Variants in RAPGEF3 observed in about 807,000 individuals in gnomAD.
RAPGEF3 encodes 9330170P05Rik.
Under a neutral mutation model 129.8 loss-of-function variants are expected in RAPGEF3, and 103 were observed. That is an observed-to-expected ratio of 0.79 (90% CI 0.68 to 0.93). The LOEUF is 0.93. Among genes scored for constraint, RAPGEF3 ranks in the 40% least tolerant of loss-of-function variants. The pLI, the probability that RAPGEF3 is intolerant of heterozygous loss-of-function variation, is 0.00. For synonymous variants in RAPGEF3, 436 were observed against 482.6 expected, an observed-to-expected ratio of 0.90 and a Z score of 1.26; for missense variants, 1,117 against 1,207.4, an observed-to-expected ratio of 0.93 and a Z score of 1.11.
chr12:47,740,981 C>T lies in RAPGEF3; in HGVS notation c.1983G>A (p.Val661=). The T allele has an allele frequency of 1.9e-6, 3 of 1,613,566 alleles. No homozygotes were observed. The highest frequency in any genetic ancestry group is 3.3e-5 in the Admixed American group (2 of 59,968). ...GCTGGCCTGCCAGGTCCTTGGCACT[C>T]ACCAGGTCCAGCCCCTCAGCAGAGC... ...TVGSAEGLDL[V]SAKDLAGQLT... The change falls in exon 20 of 28, where the codon GTG becomes GTA. Residue 661 remains valine, a synonymous_variant. Transcript: ENST00000449771.
intron 23 of RAPGEF3, 25 bp downstream of exon 23, chr12:47,740,116 A>C (rs777361020): frequency 6.2e-7 from 1 of 1,608,900 alleles, no homozygotes; most frequent in Admixed American, 1.7e-5. Flanking sequence ...TAGCAGAGCC[A>C]GGCCGGGCAG....
chr12:47,740,534 G>A (rs1409452898), intron 21 of RAPGEF3, 108 bp downstream of exon 21: 1 of 1,495,350 alleles, frequency 6.7e-7, no homozygotes, highest in African/African-American at 1.4e-5. Flanking sequence ...GGGACCCAGG[G>A]AACAAATAGG....
At chr12:47,743,820 G>A in intron 17 of RAPGEF3, 144 bp from the exon 18 acceptor site, 1 of 1,373,186 alleles carries the variant, frequency 7.3e-7, no homozygotes, top group Non-Finnish European at 1.0e-6. Context: ...AAAAGAGGCA[G>A]GTAGGAGGCA....
At chr12:47,748,762 A>G in intron 11 of RAPGEF3, 57 bp downstream of exon 11, 3 of 1,341,062 alleles carry the variant, frequency 2.2e-6, no homozygotes, top group Non-Finnish European at 3.2e-6. Context: ...GAAGGGAGCA[A>G]AGATTGGGAA....
intron 18 of RAPGEF3, among the ~76,000 whole-genome samples, chr12:47,742,802 TAAGA>T (rs1941234134): frequency 1.3e-5 from 2 of 152,336 alleles, no homozygotes; most frequent in African/African-American, 4.8e-5. Context: ...ATGGTGAGCC[TAAGA>T]TGCCTTCACG....
At position 47,741,525 on chromosome 12, in the gene RAPGEF3, G is replaced by T; in HGVS notation, c.1903C>A (p.Pro635Thr). ...CCTACCAGCTCATGCACTTCCTGTG[G>T]GTTGACAACAAAGAGACGCTCATTG... ...GLNERLFVVN[P>T]QEVHELIPHP... is the part of the protein sequence containing the mutation. The change falls in exon 19 of 28, where the codon CCA becomes ACA. Residue 635 changes from proline (P) to threonine (T), a missense_variant. Transcript: ENST00000449771. 6.2e-7 allele frequency: 1 copy of T among 1,614,100 alleles called. No homozygotes were observed. The highest frequency in any genetic ancestry group is 8.5e-7 in the Non-Finnish European group (1 of 1,180,000).
At chr12:47,748,200 T>G in intron 12 of RAPGEF3, 48 bp from the exon 13 acceptor site, 1 of 1,425,610 alleles carries the variant, frequency 7.0e-7, no homozygotes, top group South Asian at 1.2e-5. Flanking sequence ...AGGCCAAGTC[T>G]GCTGAGCACA....
chr12:47,744,126 G>T, intron 16 of RAPGEF3, 58 bp from the exon 17 acceptor site: 2 of 1,423,756 alleles, frequency 1.4e-6, no homozygotes, highest in Non-Finnish European at 1.9e-6. Context: ...AGACCGTGGA[G>T]GGAGGGATTG....
At chr12:47,755,369 G>A (rs989813650) in intron 2 of RAPGEF3, among the ~76,000 whole-genome samples, 25 of 152,174 alleles carry the variant, frequency 1.6e-4, no homozygotes, top group Non-Finnish European at 3.7e-4. Context: ...CATAAGTACT[G>A]TATAACTATT....
chr12:47,738,028 A>C lies in RAPGEF3; in HGVS notation c.2647T>G (p.Ser883Ala). The change falls in exon 27 of 28, where the codon TCC becomes GCC. Residue 883 changes from serine to alanine, a missense_variant. Ser to Ala is a moderately conservative substitution (Grantham distance 99). This residue lies in a region of RAPGEF3 where 643 missense variants were observed against 673.4 expected (regional missense o/e 0.95). Coordinates refer to ENST00000449771, the MANE Select transcript of RAPGEF3 (RefSeq NM_001098531.4). ...LHEDSQVARI[S>A]TCSEQSLSTR... ...ACCATCGCCCACCACTTACATGTGG[A>C]AATCCTCGCCACCTGGCTGTCCTCG... The C allele has an allele frequency of 7.8e-7, 1 of 1,284,060 alleles. No homozygotes were observed. The highest frequency in any genetic ancestry group is 1.2e-5 in the South Asian group (1 of 86,386). The allele number at this position is 1,284,060 out of a possible 1,614,324, so 79.5% of individuals were successfully genotyped here.
chr12:47,743,723 C>T lies in RAPGEF3; in HGVS notation c.1679-47G>A, dbSNP rs373540619. On this transcript the variant is annotated intron_variant, in intron 17 of 27. Transcript: ENST00000449771. ...GCTGTGGGAAGGGCTGCCTGATCTC[C>T]ACCCCAGGAGGGAGAGGGCGGCTAT... is the stretch of plus-strand genomic sequence containing the variant. The T allele has an allele frequency of 4.3e-5, 68 of 1,586,268 alleles. No individual in the cohort carries two copies. The African/African-American group carries it at 8.2e-4, about 19-fold the overall frequency.
chr12:47,740,599 G>C (rs752058691), intron 21 of RAPGEF3, 43 bp downstream of exon 21: 1 of 329,106 alleles, frequency 3.0e-6, no homozygotes, highest in Non-Finnish European at 4.4e-6. Context: ...AAAGGTAGCC[G>C]GGGGGACTCT....
rs951814336 is a variant in RAPGEF3 at position 47,758,758 on chromosome 12, T to C, written c.-202A>G. ...GGTGGAGAGGCTCCTCTTGGGTGAG[T>C]AGAGGGGTGGGGGCGTGGTGGGGGG... On this transcript the variant is annotated 5_prime_UTR_variant, in exon 1 of 28. Transcript: ENST00000449771. 2.5e-5 allele frequency: 31 copies of C among 1,243,250 alleles called. No homozygotes were observed. The African/African-American group carries it at 3.9e-4, about 16-fold the overall frequency. 77.0% of individuals were successfully genotyped at this position (1,243,250 alleles called of 1,614,324 possible).
chr12:47,740,806 A>C lies in RAPGEF3; in HGVS notation c.2067T>G (p.Tyr689Ter), dbSNP rs369711442. 1 of 1,613,934 alleles carries C rather than the reference A, an allele frequency of 6.2e-7. No homozygotes were observed. The highest frequency in any genetic ancestry group is 1.3e-5 in the African/African-American group (1 of 75,054). The change falls in exon 21 of 28, where the codon TAT becomes TAG. Residue 689 changes from tyrosine to a stop codon, truncating the protein, a stop_gained. Transcript: ENST00000449771. LOFTEE classifies it high-confidence loss of function. Reference protein sequence around the residue: ...NSIHQVELIHYVLGPQHLRDV... With the variant: ...NSIHQVELIH ...CCCGCAGATGCTGGGGGCCCAGCACATAGTGGATCAGCTCCACCTGGGTGG... is the reference window on the plus strand; with the variant it reads ...CCCGCAGATGCTGGGGGCCCAGCACCTAGTGGATCAGCTCCACCTGGGTGG...
chr12:47,742,262 G>A (rs534061627), intron 18 of RAPGEF3: 1 of 152,318 alleles, frequency 6.6e-6, no homozygotes, highest in South Asian at 2.1e-4. Context: ...TCACACAGTG[G>A]GGTGTGGGTT....
Position 47,744,020 on chromosome 12 carries a change from C to G in RAPGEF3, c.1645G>C (p.Gly549Arg), listed in dbSNP as rs745569032. Residue 549 changes from glycine (G) to arginine (R), a missense_variant, in exon 17 of 28, where the codon GGC becomes CGC. Gly to Arg is a moderately radical substitution (Grantham distance 125). Coordinates refer to ENST00000449771, the MANE Select transcript of RAPGEF3 (RefSeq NM_001098531.4). ...CCAACTTGGATGGCACAGCTGCTGCCAGGAAGGGGCTCGTCCTGGTTGGGG... is the reference window on the plus strand; with the variant it reads ...CCAACTTGGATGGCACAGCTGCTGCGAGGAAGGGGCTCGTCCTGGTTGGGG... Reference protein sequence around the residue: ...WLPNQDEPLPGSSCAIQVGDK... With the variant: ...WLPNQDEPLPRSSCAIQVGDK... 5 of 1,612,524 alleles carry G rather than the reference C, an allele frequency of 3.1e-6. No individual in the cohort carries two copies. The East Asian group carries it at 1.1e-4, about 36-fold the overall frequency.
Position 47,744,056 on chromosome 12 carries a change from G to C in RAPGEF3, c.1609C>G (p.Pro537Ala). 6.2e-7 allele frequency: 1 copy of C among 1,606,168 alleles called. No individual in the cohort carries two copies. Among genetic ancestry groups the C allele is most frequent in the South Asian group, 1.1e-5 (1 of 90,840 alleles). Residue 537 changes from proline to alanine, a missense_variant, in exon 17 of 28, where the codon CCT becomes GCT. Around this residue, in one of 3 missense-constraint regions of RAPGEF3, gnomAD observed 643 missense variants for 673.4 expected, o/e 0.95. Transcript: ENST00000449771. ...ASPQMKARNL[P>A]VWLPNQDEPL... ...TCGTCCTGGTTGGGGAGCCAAACAG[G>C]CAAGTTCCGGGCCTGGGAGGAAGAG...
intron 1 of RAPGEF3, 179 bp downstream of exon 1, chr12:47,758,372 C>T: frequency 6.7e-7 from 1 of 1,486,358 alleles, no homozygotes; most frequent in Non-Finnish European, 9.0e-7. Flanking sequence ...TCTCCACTAC[C>T]TCCCAGTATG....
Position 47,749,339 on chromosome 12 carries a change from T to C in RAPGEF3, c.1041+51A>G. On this transcript the variant is annotated intron_variant, in intron 10 of 27. Transcript: ENST00000449771. This position sits in a 1 kb window ranked among gnomAD's most constrained non-coding sequence, Gnocchi z 4.5. Reference sequence around the variant, plus strand: ...TCTGGTCCCTACTCCTCTCTCCACATCACTTCTCTGGACGAATGGCCCCTG... The same window carrying C: ...TCTGGTCCCTACTCCTCTCTCCACACCACTTCTCTGGACGAATGGCCCCTG... The C allele has an allele frequency of 6.2e-7, 1 of 1,602,922 alleles. No individual in the cohort carries two copies. The highest frequency in any genetic ancestry group is 8.5e-7 in the Non-Finnish European group (1 of 1,177,492).
Sources: gnomAD v4.1 joint callset for allele counts (sites outside exome capture counted in the v4.1 genomes callset) on GRCh38, gnomAD v4.1.1 for gene constraint, gnomAD v4.1.1 regional missense constraint, Gnocchi (gnomAD v3.1) non-coding constraint, MANE v1.5 for transcripts, NCBI Gene and HGNC (gene_info 2026-07-23, HGNC 2026-07-21) for gene names.